The following BCAS3 variants were observed in gnomAD, a reference collection of about 807,000 sequenced individuals.
BCAS3 encodes the protein BCAS4/BCAS3 fusion.
Under a neutral mutation model 116.1 loss-of-function variants are expected in BCAS3, and 53 were observed. The observed-to-expected ratio is 0.46, with a 90% confidence interval of 0.37 to 0.57. The LOEUF is 0.57. Among genes scored for constraint, BCAS3 ranks in the 20% least tolerant of loss-of-function variants. The pLI is 0.00. For missense variants in BCAS3, 917 were observed against 1,165.4 expected (o/e 0.79, Z 3.10); for synonymous variants, 391 against 408.2 (o/e 0.96, Z 0.51).
At chr17:61,070,397 ATATC>A (rs1345404252) in intron 19 of BCAS3, 26 of 175,236 alleles carry the variant, frequency 1.5e-4, no homozygotes, top group Non-Finnish European at 2.5e-4. Flanking sequence ...ATATATATAT[ATATC>A]TTTTCACCAT....
At chr17:60,847,863 GTTCA>G (rs200797034) in intron 7 of BCAS3, among the ~76,000 whole-genome samples, 7,012 of 152,076 alleles carry the variant, frequency 0.046, 508 homozygotes, top group African/African-American at 0.16. Flanking sequence ...TGATTTATCT[GTTCA>G]TTCATTTGTT....
intron 5 of BCAS3, among the ~76,000 whole-genome samples, chr17:60,721,752 G>GAA (rs1011388652): frequency 4.0e-5 from 6 of 151,188 alleles, no homozygotes; most frequent in African/African-American, 1.2e-4. Flanking sequence ...TGTACAGACT[G>GAA]AAAATATATA....
chr17:60,821,028 C>G (rs1056116734), intron 7 of BCAS3, among the ~76,000 whole-genome samples: 1 of 152,112 alleles, frequency 6.6e-6, no homozygotes, highest in Non-Finnish European at 1.5e-5. Flanking sequence ...CTCACTGCAA[C>G]CTCCGCCTCC....
At position 61,131,066 on chromosome 17, in the gene BCAS3, A is replaced by C. The variant is rs528442198; in HGVS notation, c.2425+46502A>C. Among the ~76,000 whole-genome samples the C allele has an allele frequency of 6.6e-6, 1 of 151,238 alleles. No homozygotes were observed. The highest frequency in any genetic ancestry group is 1.5e-5 in the Non-Finnish European group (1 of 67,734). The stretch of plus-strand genomic sequence containing the variant: ...GCAAGACTCTGTCTCAAAAAGGGGG[A>C]AAAAAAAAGATGTTGGAGACCTAGG... On this transcript the variant is annotated intron_variant, in intron 22 of 23. Coordinates refer to ENST00000407086, the MANE Select transcript of BCAS3 (RefSeq NM_017679.5). The surrounding 1 kb of genome is among the most constrained non-coding windows in gnomAD (Gnocchi z 4.4).
At chr17:61,057,884 G>A (rs566829633) in intron 19 of BCAS3, among the ~76,000 whole-genome samples, 68 of 151,908 alleles carry the variant, frequency 4.5e-4, no homozygotes, top group Non-Finnish European at 8.7e-4. Flanking sequence ...ATGTATATAT[G>A]ATTTTAGTTT....
In BCAS3 at chr17:61,017,006, T is replaced by C. The variant is rs1238945411; in HGVS notation, c.1637+1105T>C. On this transcript the variant is annotated intron_variant, in intron 16 of 23. Transcript: ENST00000407086. The surrounding 1 kb of genome is among the most constrained non-coding windows in gnomAD (Gnocchi z 4.7). ...TGCTGCATGCAGACATAAAATTGAGTCTGTGGCATTTGCTGTGTTTTTCAG... is the reference window on the plus strand; with the variant it reads ...TGCTGCATGCAGACATAAAATTGAGCCTGTGGCATTTGCTGTGTTTTTCAG... 3 of 152,062 alleles carry C rather than the reference T, an allele frequency of 2.0e-5. No individual in the cohort carries two copies. The highest frequency in any genetic ancestry group is 6.5e-5 in the Admixed American group (1 of 15,272). The allele number at this position is 152,062 out of a possible 1,614,324, so 9.4% of individuals were successfully genotyped here.
intron 22 of BCAS3, among the ~76,000 whole-genome samples, chr17:61,085,643 C>G (rs914782355): frequency 6.6e-6 from 1 of 152,142 alleles, no homozygotes; most frequent in African/African-American, 2.4e-5. Flanking sequence ...TTAACGTAGA[C>G]TATTACTTTA....
rs1244371326 is a variant in BCAS3, at chr17:61,248,874, T to C, written c.2426-119453T>C. 6.6e-6 allele frequency among the ~76,000 whole-genome samples: 1 copy of C among 152,258 alleles called. No individual in the cohort carries two copies. Among genetic ancestry groups the C allele is most frequent in the African/African-American group, 2.4e-5 (1 of 41,472 alleles). On this transcript the variant is annotated intron_variant, in intron 22 of 23. Coordinates refer to ENST00000407086, the MANE Select transcript of BCAS3 (RefSeq NM_017679.5). The surrounding 1 kb of genome is among the most constrained non-coding windows in gnomAD (Gnocchi z 4.3). ...CTTGGAGTATCTTAAAGAAGTAGTA[T>C]ACTGTCAAATACTTATAAAACTTCC... is the stretch of plus-strand genomic sequence containing the variant.
intron 19 of BCAS3, among the ~76,000 whole-genome samples, chr17:61,049,140 A>G (rs2068609920): frequency 6.6e-6 from 1 of 151,774 alleles, no homozygotes; most frequent in African/African-American, 2.4e-5. Context: ...TCTAAAGAAA[A>G]CATTTGAAAA....
intron 6 of BCAS3, among the ~76,000 whole-genome samples, chr17:60,791,392 C>T (rs921103755): frequency 1.3e-5 from 2 of 152,150 alleles, no homozygotes; most frequent in Non-Finnish European, 2.9e-5. Flanking sequence ...TGGTGACTCA[C>T]GTCTGTATCC....
At chr17:61,357,526 C>T (rs1043513017) in intron 22 of BCAS3, among the ~76,000 whole-genome samples, 23 of 149,216 alleles carry the variant, frequency 1.5e-4, no homozygotes, top group Admixed American at 1.1e-3. Context: ...CTCACTGCAG[C>T]CTCTGCCTCC....
At position 61,108,154 on chromosome 17, in the gene BCAS3, C is replaced by T. The variant is rs1184809736; in HGVS notation, c.2425+23590C>T. On this transcript the variant is annotated intron_variant, in intron 22 of 23. Transcript: ENST00000407086. The stretch of plus-strand genomic sequence containing the variant: ...GTGTTTTCTTTGTGTAACTTTTTAT[C>T]ATTATATAATGTCTTTCTCTTATCT... Among the ~76,000 whole-genome samples, 4 of 152,244 alleles carry T rather than the reference C, an allele frequency of 2.6e-5. No individual in the cohort carries two copies. The East Asian group carries it at 7.7e-4, about 29-fold the overall frequency.
At chr17:61,059,949 C>A (rs2069813503) in intron 19 of BCAS3, among the ~76,000 whole-genome samples, 1 of 150,536 alleles carries the variant, frequency 6.6e-6, no homozygotes, top group Non-Finnish European at 1.5e-5. Flanking sequence ...ATCTCTTGAA[C>A]CTAGGAAGGA....
At chr17:60,894,063 TTTTA>T (rs768216669) in intron 10 of BCAS3, among the ~76,000 whole-genome samples, 2 of 152,110 alleles carry the variant, frequency 1.3e-5, no homozygotes, top group Non-Finnish European at 2.9e-5. Flanking sequence ...TTTTATTTTA[TTTTA>T]TTTTTTGCTT....
chr17:61,392,377 G>A lies in BCAS3; in HGVS notation c.*252G>A. ...GAGACTGTAGAAGCTCGGTCCCTGTGTATGTTTGCATATGACATCCTGCAT... is the reference window on the plus strand; with the variant it reads ...GAGACTGTAGAAGCTCGGTCCCTGTATATGTTTGCATATGACATCCTGCAT... On this transcript the variant is annotated 3_prime_UTR_variant, in exon 24 of 24. Transcript: ENST00000407086. This position sits in a 1 kb window ranked among gnomAD's most constrained non-coding sequence, Gnocchi z 6.4. 1 of 325,060 alleles carries A rather than the reference G, an allele frequency of 3.1e-6. No homozygotes were observed. The highest frequency in any genetic ancestry group is 7.6e-5 in the South Asian group (1 of 13,210). 20.1% of individuals were successfully genotyped at this position (325,060 alleles called of 1,614,324 possible).
In BCAS3 at chr17:61,356,406, G is replaced by A. The variant is rs945898900; in HGVS notation, c.2426-11921G>A. 4.6e-5 allele frequency among the ~76,000 whole-genome samples: 7 copies of A among 152,174 alleles called. No homozygotes were observed. The highest frequency in any genetic ancestry group is 1.3e-4 in the Admixed American group (2 of 15,280). ...AACAGAAGAGTAAAGGGTCTCTGGC[G>A]TCCAGTCTGGGAATGCCAGCTTCAG... is the stretch of plus-strand genomic sequence containing the variant. On this transcript the variant is annotated intron_variant, in intron 22 of 23. Transcript: ENST00000407086. The surrounding 1 kb of genome is among the most constrained non-coding windows in gnomAD (Gnocchi z 5.4).
chr17:60,917,807 G>A (rs1206724394), intron 12 of BCAS3, among the ~76,000 whole-genome samples: 1 of 152,070 alleles, frequency 6.6e-6, no homozygotes, highest in African/African-American at 2.4e-5. Context: ...TGGCTAGGCT[G>A]GTCTCAAACT....
Position 61,128,214 on chromosome 17 carries a change from A to G in BCAS3, c.2425+43650A>G. The G allele has an allele frequency of 3.0e-6, 3 of 985,476 alleles. No homozygotes were observed. Among genetic ancestry groups the G allele is most frequent in the Non-Finnish European group, 3.6e-6 (3 of 829,934 alleles). 61.0% of individuals were successfully genotyped at this position (985,476 alleles called of 1,614,324 possible). ...CCAGGAATAGTGTGAGTCAAGGATG[A>G]GTACATGAAGATGAAGCCCATGCAA... is the stretch of plus-strand genomic sequence containing the variant. On this transcript the variant is annotated intron_variant, in intron 22 of 23. Transcript: ENST00000407086. This position sits in a 1 kb window ranked among gnomAD's most constrained non-coding sequence, Gnocchi z 4.1.
At chr17:61,197,397 AT>A (rs1447232542) in intron 22 of BCAS3, among the ~76,000 whole-genome samples, 1 of 152,246 alleles carries the variant, frequency 6.6e-6, no homozygotes, top group African/African-American at 2.4e-5. Context: ...GGATGAGCTC[AT>A]GATATCAGAA....
Sources: gnomAD v4.1 joint callset for allele counts (sites outside exome capture counted in the v4.1 genomes callset) on GRCh38, gnomAD v4.1.1 for gene constraint, Gnocchi (gnomAD v3.1) non-coding constraint, MANE v1.5 for transcripts, NCBI Gene and HGNC (gene_info 2026-07-23, HGNC 2026-07-21) for gene names.